KIF27: variants seen among roughly 807,000 people sequenced by gnomAD.
The protein encoded by KIF27 is kinesin family member 27, also known as kinesin-like protein KIF27.
Under a neutral mutation model 141.8 loss-of-function variants are expected in KIF27, and 84 were observed. The ratio of observed to expected loss-of-function variants is 0.59; its 90% CI spans 0.50 to 0.71. KIF27 has a LOEUF of 0.71. KIF27 is among the 30% of genes least tolerant of loss of function. KIF27 has a pLI of 0.00. For synonymous variants in KIF27, 471 were observed against 569.5 expected (o/e 0.83, Z 2.46); for missense variants, 1,306 against 1,628.4 (o/e 0.80, Z 3.41).
rs749510445 is a variant in KIF27, at chr9:83,887,073, T to C, written c.2207A>G (p.Lys736Arg). 1.3e-6 allele frequency: 2 copies of C among 1,598,872 alleles called. No individual in the cohort carries two copies. Among genetic ancestry groups the C allele is most frequent in the Admixed American group, 1.8e-5 (1 of 56,314 alleles). ...MRELTINIKMKEDLIKELIKT... is the reference protein window; with the variant it reads ...MRELTINIKMREDLIKELIKT... ...TATTAATTCTTTAATCAGATCTTCC[T>C]TCATCTTGATGTTAATTGTAAGTTC... The change falls in exon 9 of 18, where the codon AAG becomes AGG. Residue 736 changes from lysine (K) to arginine (R), a missense_variant. Around this residue, in one of 4 missense-constraint regions of KIF27, gnomAD observed 596 missense variants for 751.6 expected, o/e 0.79. Transcript: ENST00000297814.
chr9:83,845,503 C>T (rs1394983001), intron 16 of KIF27, among the ~76,000 whole-genome samples: 2 of 152,206 alleles, frequency 1.3e-5, no homozygotes, highest in African/African-American at 4.8e-5. Flanking sequence ...CACCGATGGC[C>T]TCATGGGGAG....
At chr9:83,851,048 G>A (rs550976704) in intron 15 of KIF27, among the ~76,000 whole-genome samples, 1 of 151,526 alleles carries the variant, frequency 6.6e-6, no homozygotes, top group Admixed American at 6.6e-5. Flanking sequence ...GTGTTAGCTA[G>A]GATGGTCTCA....
chr9:83,861,023 T>G (rs963142939), intron 13 of KIF27, among the ~76,000 whole-genome samples: 3 of 152,142 alleles, frequency 2.0e-5, no homozygotes, highest in African/African-American at 7.2e-5. Context: ...TGAGGAAAGC[T>G]GAGAAGTCCA....
At chr9:83,904,236 T>C (rs1307479422) in intron 3 of KIF27, among the ~76,000 whole-genome samples, 1 of 152,250 alleles carries the variant, frequency 6.6e-6, no homozygotes, top group Non-Finnish European at 1.5e-5. Context: ...TTGATGTTTA[T>C]ATTCTAAAAG....
intron 2 of KIF27, among the ~76,000 whole-genome samples, chr9:83,910,225 C>G (rs1188389061): frequency 2.6e-5 from 4 of 151,934 alleles, no homozygotes; most frequent in Non-Finnish European, 4.4e-5. Context: ...CTTGGATATT[C>G]ACTACTACTA....
At chr9:83,893,282 A>G (rs1322967892) in intron 5 of KIF27, among the ~76,000 whole-genome samples, 1 of 152,142 alleles carries the variant, frequency 6.6e-6, no homozygotes, top group Non-Finnish European at 1.5e-5. Context: ...ATATAACAAA[A>G]AGACTTCAAA....
intron 16 of KIF27, among the ~76,000 whole-genome samples, chr9:83,844,311 G>GATATATAGATAGCTATATATATTT (rs1554761826): frequency 7.0e-5 from 10 of 143,592 alleles, no homozygotes; most frequent in Non-Finnish European, 9.0e-5. Context: ...TATAGAGAGA[G>GATATATAGATAGCTATATATATTT]ATATAGATAT....
chr9:83,903,395 C>G lies in KIF27; in HGVS notation c.1123G>C (p.Ala375Pro). The G allele has an allele frequency of 6.2e-7, 1 of 1,614,054 alleles. No individual in the cohort carries two copies. Among genetic ancestry groups the G allele is most frequent in the Non-Finnish European group, 8.5e-7 (1 of 1,180,042 alleles). Residue 375 changes from alanine to proline, a missense_variant, in exon 4 of 18, where the codon GCT becomes CCT. Physicochemically the swap from Ala to Pro is conservative, Grantham distance 27. Coordinates refer to ENST00000297814, the MANE Select transcript of KIF27 (RefSeq NM_017576.4). ...LLREALQSQQ[A>P]GVSQTTQINR... ...ATCTGGGTAGTTTGGCTGACACCAG[C>G]CTGCTGGCTTTGCAAAGCTTCTCGA...
chr9:83,875,465 C>T (rs1012018555), intron 11 of KIF27, among the ~76,000 whole-genome samples: 8 of 152,070 alleles, frequency 5.3e-5, no homozygotes, highest in African/African-American at 1.7e-4. Flanking sequence ...GAGGTTGGAG[C>T]TCAAAGAACA....
intron 13 of KIF27, chr9:83,859,685 C>T: frequency 3.8e-6 from 1 of 260,420 alleles, no homozygotes; most frequent in Non-Finnish European, 7.4e-6. Context: ...GTGCTCATCA[C>T]CATGTGCAGC....
intron 16 of KIF27, among the ~76,000 whole-genome samples, chr9:83,844,715 G>C (rs911115021): frequency 2.0e-5 from 3 of 152,152 alleles, no homozygotes; most frequent in African/African-American, 7.2e-5. Flanking sequence ...AAGCTGGTTG[G>C]TTGCTCCTAA....
chr9:83,874,451 CAG>C (rs1951049900), intron 11 of KIF27, among the ~76,000 whole-genome samples: 1 of 152,176 alleles, frequency 6.6e-6, no homozygotes, highest in African/African-American at 2.4e-5. Flanking sequence ...ACAGGAGTCT[CAG>C]AGAGTTAGCT....
chr9:83,857,156 ATCTT>A (rs1564310915), intron 14 of KIF27, among the ~76,000 whole-genome samples: 1 of 152,088 alleles, frequency 6.6e-6, no homozygotes, highest in Non-Finnish European at 1.5e-5. Context: ...ACGATCTAAA[ATCTT>A]TCTATCCATT....
rs1947654198 is a variant in KIF27, at chr9:83,848,110, ATATCTGATATATCTGATATC to A, written c.3556+1969_3556+1988del. 8.9e-5 allele frequency among the ~76,000 whole-genome samples: 2 copies of A among 22,582 alleles called. 1 individual carries two copies. The highest frequency in any genetic ancestry group is 1.6e-4 in the Non-Finnish European group (2 of 12,570). 14.8% of individuals were successfully genotyped at this position (22,582 alleles called of 152,430 possible). ...ATATATATGATATATATGATATCTC[ATATCTGATATATCTGATATC>A]TCATATATGATATATCTGATATATC... On this transcript the variant is annotated intron_variant, in intron 16 of 17. Coordinates refer to ENST00000297814, the MANE Select transcript of KIF27 (RefSeq NM_017576.4).
intron 13 of KIF27, among the ~76,000 whole-genome samples, chr9:83,863,320 A>G (rs1023398008): frequency 2.0e-5 from 3 of 152,234 alleles, no homozygotes; most frequent in East Asian, 1.9e-4. Flanking sequence ...GTTTGTCATA[A>G]ATAGCCCTTA....
chr9:83,899,639 G>C, intron 5 of KIF27, 22 bp downstream of exon 5: 1 of 1,603,728 alleles, frequency 6.2e-7, no homozygotes, highest in Non-Finnish European at 8.5e-7. Flanking sequence ...AATCTACAGA[G>C]CTAGATGCAT....
At chr9:83,894,415 T>C (rs1831757) in intron 5 of KIF27, among the ~76,000 whole-genome samples, 44,931 of 151,652 alleles carry the variant, frequency 0.3, 6,164 homozygotes, top group African/African-American at 0.4. Context: ...TGCTATGAGG[T>C]TGTCAGATGT....
At chr9:83,866,177 T>C (rs535781329) in intron 13 of KIF27, among the ~76,000 whole-genome samples, 6 of 152,146 alleles carry the variant, frequency 3.9e-5, no homozygotes, top group African/African-American at 1.4e-4. Context: ...TACTCCTGCC[T>C]TCTGAAAATC....
At chr9:83,882,129 G>A (rs539185341) in intron 10 of KIF27, among the ~76,000 whole-genome samples, 3 of 151,882 alleles carry the variant, frequency 2.0e-5, no homozygotes, top group Non-Finnish European at 2.9e-5. Flanking sequence ...TTCTGAGGGC[G>A]AGACGGGTGG....
Sources: gnomAD v4.1 joint callset for allele counts (sites outside exome capture counted in the v4.1 genomes callset) on GRCh38, gnomAD v4.1.1 for gene constraint, gnomAD v4.1.1 regional missense constraint, MANE v1.5 for transcripts, NCBI Gene and HGNC (gene_info 2026-07-23, HGNC 2026-07-21) for gene names.